The following METTL15 variants were observed in gnomAD, a reference collection of about 807,000 sequenced individuals.
The protein encoded by METTL15 is methyltransferase 15, mitochondrial 12S rRNA N4-cytidine, also known as 12S rRNA N(4)-cytidine methyltransferase METTL15.
A neutral mutation model predicts 38.3 loss-of-function variants in METTL15; 34 were observed. The observed-to-expected ratio is 0.89, with a 90% CI of 0.68 to 1.18. The LOEUF (loss-of-function observed/expected upper bound fraction) is 1.18. METTL15 is among the 50% of genes most tolerant of loss of function. METTL15 has a pLI of 0.00. For synonymous variants in METTL15, 162 were observed against 170.9 expected (o/e 0.95, Z 0.41); for missense variants, 438 against 498.4 (o/e 0.88, Z 1.15).
At chr11:28,416,439 G>A (rs946601250) in intron 5 of METTL15, among the ~76,000 whole-genome samples, 17 of 152,130 alleles carry the variant, frequency 1.1e-4, no homozygotes, top group African/African-American at 4.1e-4. Flanking sequence ...GCACCATCTG[G>A]GGCTAGAGCT....
chr11:28,444,138 T>C (rs1420399325), intron 6 of METTL15, among the ~76,000 whole-genome samples: 3 of 152,156 alleles, frequency 2.0e-5, no homozygotes, highest in Non-Finnish European at 4.4e-5. Flanking sequence ...TTTTAACTAT[T>C]GTTAATAACA....
chr11:28,525,213 C>T (rs565576144), intron 6 of METTL15, among the ~76,000 whole-genome samples: 4 of 152,132 alleles, frequency 2.6e-5, no homozygotes, highest in African/African-American at 4.8e-5. Context: ...AGGACCTGAG[C>T]GGGTTGCCAC....
At chr11:28,416,120 G>A (rs527319501) in intron 5 of METTL15, among the ~76,000 whole-genome samples, 16 of 152,348 alleles carry the variant, frequency 1.1e-4, no homozygotes, top group Admixed American at 8.5e-4. Flanking sequence ...TCACCCAAGC[G>A]TAGTACCTTG....
At chr11:28,514,556 A>T (rs560568559) in intron 6 of METTL15, among the ~76,000 whole-genome samples, 1 of 152,338 alleles carries the variant, frequency 6.6e-6, no homozygotes, top group South Asian at 2.1e-4. Flanking sequence ...AATTGCTATT[A>T]CTTGCAACTA....
At chr11:28,173,607 A>G (rs993518624) in intron 3 of METTL15, among the ~76,000 whole-genome samples, 1 of 152,212 alleles carries the variant, frequency 6.6e-6, no homozygotes, top group Non-Finnish European at 1.5e-5. Flanking sequence ...TGTATTTGTT[A>G]TAATTATTGA....
intron 3 of METTL15, among the ~76,000 whole-genome samples, chr11:28,206,291 G>A (rs896531296): frequency 1.3e-5 from 2 of 152,092 alleles, no homozygotes; most frequent in Admixed American, 6.5e-5. Flanking sequence ...TGTATAAGAT[G>A]TAAGGAAGGG....
intron 5 of METTL15, chr11:28,410,767 G>T (rs965632655): frequency 6.6e-6 from 1 of 151,914 alleles, no homozygotes; most frequent in Non-Finnish European, 1.5e-5. Context: ...GGAAATACTG[G>T]CAAGAAAAAT....
chr11:28,390,195 G>A (rs1478737271), intron 5 of METTL15, among the ~76,000 whole-genome samples: 2 of 151,834 alleles, frequency 1.3e-5, no homozygotes, highest in Non-Finnish European at 2.9e-5. Context: ...TCACTCTGAT[G>A]GTAGTTTCTT....
chr11:28,143,855 G>T (rs1849786676), intron 3 of METTL15, among the ~76,000 whole-genome samples: 1 of 152,172 alleles, frequency 6.6e-6, no homozygotes, highest in South Asian at 2.1e-4. Flanking sequence ...TGAGCATAGA[G>T]GAGACTGATT....
chr11:28,482,743 A>T (rs1851405745), intron 6 of METTL15, among the ~76,000 whole-genome samples: 2 of 152,252 alleles, frequency 1.3e-5, no homozygotes, highest in Middle Eastern at 3.4e-3. Context: ...TAGAAATGCA[A>T]ATTTCTTGGG....
intron 5 of METTL15, among the ~76,000 whole-genome samples, chr11:28,374,814 G>A (rs200247495): frequency 0.4 from 58,628 of 145,568 alleles, 12,398 homozygotes; most frequent in Admixed American, 0.51. Flanking sequence ...GTCATAGATA[G>A]CTCTTATTAT....
chr11:28,378,318 G>T (rs1039972012), intron 5 of METTL15, among the ~76,000 whole-genome samples: 3 of 152,216 alleles, frequency 2.0e-5, no homozygotes, highest in Non-Finnish European at 2.9e-5. Context: ...ACTCCGTGGG[G>T]TAGGACCCTC....
intron 6 of METTL15, among the ~76,000 whole-genome samples, chr11:28,520,323 G>C (rs1851754982): frequency 6.6e-6 from 1 of 152,082 alleles, no homozygotes; most frequent in Non-Finnish European, 1.5e-5. Flanking sequence ...CTGAGCAACA[G>C]AATGAGATCT....
rs2133934809 is a variant in METTL15 at position 28,258,358 on chromosome 11, A to G, written c.408-31848A>G. 2.0e-5 allele frequency among the ~76,000 whole-genome samples: 3 copies of G among 152,234 alleles called. 1 individual carries two copies. In the South Asian group the frequency reaches 6.2e-4, roughly 32 times the overall value. ...CCAGCACAGCACTGGATGTTGCCCAAGGCCTCCTATAACTACTCCCTGTCT... is the reference window on the plus strand; with the variant it reads ...CCAGCACAGCACTGGATGTTGCCCAGGGCCTCCTATAACTACTCCCTGTCT... On this transcript the variant is annotated intron_variant, in intron 4 of 6. Coordinates refer to ENST00000407364, the MANE Select transcript of METTL15 (RefSeq NM_001113528.2).
chr11:28,328,168 A>C (rs1281912240), intron 6 of METTL15: 2 of 1,609,654 alleles, frequency 1.2e-6, no homozygotes, highest in East Asian at 4.5e-5. Flanking sequence ...AGCAAATGGT[A>C]AGAAGCTGGC....
chr11:28,182,036 G>A (rs1325873732), intron 3 of METTL15, among the ~76,000 whole-genome samples: 1 of 152,046 alleles, frequency 6.6e-6, no homozygotes, highest in African/African-American at 2.4e-5. Flanking sequence ...TCGTATGTTT[G>A]TTGGCTGCAT....
intron 5 of METTL15, among the ~76,000 whole-genome samples, chr11:28,391,341 A>G (rs983852926): frequency 1.3e-5 from 2 of 152,032 alleles, no homozygotes; most frequent in Non-Finnish European, 2.9e-5. Flanking sequence ...GTTTTTGCCC[A>G]TTCAGTATGA....
At chr11:28,519,208 A>C (rs1311411269) in intron 6 of METTL15, 3 of 152,248 alleles carry the variant, frequency 2.0e-5, no homozygotes. Context: ...CTACCTCTAC[A>C]CAGGCTGATT....
chr11:28,176,523 G>A (rs143351331), intron 3 of METTL15, among the ~76,000 whole-genome samples: 3 of 152,160 alleles, frequency 2.0e-5, no homozygotes, highest in East Asian at 3.9e-4. Context: ...GTATAATAAG[G>A]GTTAAATCAG....
Sources: allele counts gnomAD v4.1 joint callset (sites outside exome capture counted in the v4.1 genomes callset), GRCh38; gene constraint gnomAD v4.1.1; transcripts MANE v1.5; gene names NCBI Gene and HGNC (gene_info 2026-07-23, HGNC 2026-07-21).